NEO1: variants seen among roughly 807,000 people sequenced by gnomAD.
The protein encoded by NEO1 is neogenin 1.
A neutral mutation model predicts 159.7 loss-of-function variants in NEO1; 63 were observed. The ratio of observed to expected loss-of-function variants is 0.39; its 90% CI spans 0.32 to 0.49. NEO1 has a LOEUF of 0.49. NEO1 is among the 20% of genes least tolerant of loss of function. NEO1 has a pLI of 0.85. For synonymous variants in NEO1, 633 were observed against 662.0 expected (o/e 0.96, Z 0.67); for missense variants, 1,615 against 1,831.0 (o/e 0.88, Z 2.15).
Position 73,138,495 on chromosome 15 carries a change from G to A in NEO1, c.1015+2468G>A, listed in dbSNP as rs991363088. Among the ~76,000 whole-genome samples, 9 of 151,548 alleles carry A rather than the reference G, an allele frequency of 5.9e-5. No individual in the cohort carries two copies. In the South Asian group the frequency reaches 6.3e-4, roughly 11 times the overall value. ...GAGTTGGCCGGGCGCGGTGGCTCGC[G>A]CCTGTAATCCCAGCACTTTGGGAGG... On this transcript the variant is annotated intron_variant, in intron 5 of 28. Transcript: ENST00000261908.
At chr15:73,231,887 G>GTGA (rs543094487) in intron 7 of NEO1, among the ~76,000 whole-genome samples, 151 of 152,300 alleles carry the variant, frequency 9.9e-4, no homozygotes, top group African/African-American at 3.4e-3. Context: ...CCATGAATCA[G>GTGA]TAATAAGCTA....
chr15:73,255,005 T>C (rs937558332), intron 13 of NEO1, among the ~76,000 whole-genome samples, 176 bp downstream of exon 13: 4 of 152,252 alleles, frequency 2.6e-5, no homozygotes, highest in African/African-American at 7.2e-5. Flanking sequence ...GAAAACACTC[T>C]TAAAGGTTCT....
intron 1 of NEO1, among the ~76,000 whole-genome samples, chr15:73,069,259 G>A (rs2068408856): frequency 6.6e-6 from 1 of 151,534 alleles, no homozygotes; most frequent in African/African-American, 2.4e-5. Flanking sequence ...ACTGCGCACA[G>A]CCGAGTAGGG....
At chr15:73,283,153 ATC>A in intron 23 of NEO1, 42 bp downstream of exon 23, 1 of 1,609,782 alleles carries the variant, frequency 6.2e-7, no homozygotes, top group South Asian at 1.1e-5. Flanking sequence ...TTGGCATCTT[ATC>A]TTTTGCTTCC....
At chr15:73,260,226 A>C in intron 14 of NEO1, 45 bp from the exon 15 acceptor site, 1 of 1,544,978 alleles carries the variant, frequency 6.5e-7, no homozygotes, top group Non-Finnish European at 8.9e-7. Context: ...GAGATATTTT[A>C]AAGGACAGTA....
chr15:73,096,133 A>G (rs894237300), intron 1 of NEO1, among the ~76,000 whole-genome samples: 2 of 152,216 alleles, frequency 1.3e-5, no homozygotes, highest in Non-Finnish European at 2.9e-5. Flanking sequence ...CCACAGCAGC[A>G]GATCATCTAC....
intron 8 of NEO1, 39 bp downstream of exon 8, chr15:73,236,545 T>G (rs1343999600): frequency 6.3e-7 from 1 of 1,585,428 alleles, no homozygotes; most frequent in Non-Finnish European, 8.7e-7. Flanking sequence ...GGCTGCCTCT[T>G]GGTCACGGCA....
At chr15:73,135,577 T>C (rs1262758032) in intron 4 of NEO1, among the ~76,000 whole-genome samples, 1 of 152,130 alleles carries the variant, frequency 6.6e-6, no homozygotes, top group Non-Finnish European at 1.5e-5. Flanking sequence ...CTGGCCAGAA[T>C]AGGGAGACAG....
chr15:73,302,556 C>T, intron 28 of NEO1, 57 bp from the exon 29 acceptor site: 1 of 1,531,952 alleles, frequency 6.5e-7, no homozygotes, highest in African/African-American at 1.4e-5. Context: ...TCTCTGGGCT[C>T]TCCTTTCTGA....
At chr15:73,194,731 T>C (rs1362445002) in intron 7 of NEO1, among the ~76,000 whole-genome samples, 1 of 152,234 alleles carries the variant, frequency 6.6e-6, no homozygotes, top group Non-Finnish European at 1.5e-5. Context: ...TTATACATGG[T>C]ACATATTTAT....
chr15:73,187,774 A>G (rs2036014330), intron 7 of NEO1, among the ~76,000 whole-genome samples: 1 of 152,184 alleles, frequency 6.6e-6, no homozygotes, highest in Admixed American at 6.6e-5. Flanking sequence ...GAATATCCTT[A>G]CATCAGTGTT....
At chr15:73,103,551 A>G (rs1354172642) in intron 1 of NEO1, among the ~76,000 whole-genome samples, 1 of 152,164 alleles carries the variant, frequency 6.6e-6, no homozygotes, top group African/African-American at 2.4e-5. Context: ...TACTTTGTAC[A>G]TATCCTGTCA....
intron 1 of NEO1, among the ~76,000 whole-genome samples, chr15:73,103,739 T>C (rs555532354): frequency 7.9e-4 from 120 of 152,324 alleles, no homozygotes; most frequent in African/African-American, 2.8e-3. Context: ...ATTGAGCTAA[T>C]AGTGTATTGT....
At chr15:73,200,477 CAGGAAAGGGAAGGGGAA>C (rs1270027504) in intron 7 of NEO1, among the ~76,000 whole-genome samples, 7 of 136,806 alleles carry the variant, frequency 5.1e-5, no homozygotes, top group Admixed American at 7.9e-5. Context: ...GGAGAAGGAG[CAGGAAAGGGAAGGGGAA>C]AGGAAAGGGA....
intron 1 of NEO1, among the ~76,000 whole-genome samples, chr15:73,101,979 C>G (rs745929324): frequency 2.0e-5 from 3 of 152,162 alleles, no homozygotes; most frequent in Admixed American, 6.5e-5. Context: ...CCTTGCTACT[C>G]AAAAATATTG....
In NEO1 at chr15:73,116,556, G is replaced by A. The variant is rs144011141; in HGVS notation, c.147G>A (p.Thr49=). ...TTTTTGTAGGAGCCAGCATTCGAAC[G>A]TTCACTCCATTTTATTTTCTGGTGG... ...APQSPGASIR[T]FTPFYFLVEP... The change falls in exon 2 of 29, where the codon ACG becomes ACA. Residue 49 remains threonine, a synonymous_variant. Coordinates refer to ENST00000261908, the MANE Select transcript of NEO1 (RefSeq NM_002499.4). 6.5e-6 allele frequency: 10 copies of A among 1,529,510 alleles called. No homozygotes were observed. In the African/African-American group the frequency reaches 8.4e-5, roughly 13 times the overall value. 94.7% of individuals were successfully genotyped at this position (1,529,510 alleles called of 1,614,324 possible).
chr15:73,219,206 G>T (rs1443018560), intron 7 of NEO1, among the ~76,000 whole-genome samples: 1 of 152,176 alleles, frequency 6.6e-6, no homozygotes, highest in African/African-American at 2.4e-5. Flanking sequence ...AGAGCAGGTT[G>T]TTCAGTTTCC....
intron 1 of NEO1, among the ~76,000 whole-genome samples, chr15:73,054,672 A>G (rs559515659): frequency 9.9e-5 from 15 of 152,124 alleles, no homozygotes; most frequent in African/African-American, 3.1e-4. Context: ...TAGTCGTTTA[A>G]TTGGGTCTAG....
In NEO1 at chr15:73,299,521, G is replaced by C. The variant is rs187788636; in HGVS notation, c.4165+910G>C. On this transcript the variant is annotated intron_variant, in intron 27 of 28. Transcript: ENST00000261908. Reference sequence around the variant, plus strand: ...CTGCCTTAGCCTCCCAAGCAGCTGGGACTACAGGTGCCCACCACCATGCGC... The same window carrying C: ...CTGCCTTAGCCTCCCAAGCAGCTGGCACTACAGGTGCCCACCACCATGCGC... Among the ~76,000 whole-genome samples, 7 of 152,156 alleles carry C rather than the reference G, an allele frequency of 4.6e-5. No individual in the cohort carries two copies. In the East Asian group the frequency reaches 1.4e-3, roughly 29 times the overall value.
Sources: gnomAD v4.1 joint callset for allele counts (sites outside exome capture counted in the v4.1 genomes callset) on GRCh38, gnomAD v4.1.1 for gene constraint, MANE v1.5 for transcripts, NCBI Gene and HGNC (gene_info 2026-07-23, HGNC 2026-07-21) for gene names.